TMEM161B: variants seen among roughly 807,000 people sequenced by gnomAD.
TMEM161B encodes the protein transmembrane protein 161B.
In TMEM161B, 34 loss-of-function variants were observed where a neutral mutation model predicts 61.8. The ratio of observed to expected loss-of-function variants is 0.55; its 90% CI spans 0.42 to 0.73. The LOEUF is 0.73. Among genes scored for constraint, TMEM161B ranks in the 30% least tolerant of loss-of-function variants. The probability of loss-of-function intolerance (pLI) is 0.00; values close to 1 mark genes in which losing one functional copy is unlikely to be tolerated. For synonymous variants in TMEM161B, 167 were observed against 192.8 expected, an observed-to-expected ratio of 0.87 and a Z score of 1.11; for missense variants, 456 against 558.5, an observed-to-expected ratio of 0.82 and a Z score of 1.85.
chr5:88,233,817 C>T (rs951582651), intron 2 of TMEM161B, among the ~76,000 whole-genome samples: 1 of 151,914 alleles, frequency 6.6e-6, no homozygotes, highest in African/African-American at 2.4e-5. Flanking sequence ...CATGAGACAT[C>T]AAGTAAAAGT....
chr5:88,207,234 C>T (rs766174489), intron 5 of TMEM161B, 54 bp from the exon 6 acceptor site: 253 of 1,517,738 alleles, frequency 1.7e-4, no homozygotes, highest in Non-Finnish European at 2.2e-4. Flanking sequence ...GAGCTATACA[C>T]AATGATCTTT....
Position 88,268,810 on chromosome 5 carries a change from A to C in TMEM161B, c.-87T>G. ...TACCTCCCGGTCCTTGAGCCGAGAGACTCTCAAACAGCGAAAGAGAGGGTC... is the reference window on the plus strand; with the variant it reads ...TACCTCCCGGTCCTTGAGCCGAGAGCCTCTCAAACAGCGAAAGAGAGGGTC... On this transcript the variant is annotated 5_prime_UTR_variant, in exon 1 of 12. Transcript: ENST00000296595. The C allele has an allele frequency of 6.2e-7, 1 of 1,600,726 alleles. No homozygotes were observed.
intron 1 of TMEM161B, among the ~76,000 whole-genome samples, chr5:88,260,720 A>G (rs969248974): frequency 3.3e-5 from 5 of 152,206 alleles, no homozygotes; most frequent in Admixed American, 6.5e-5. Flanking sequence ...TCCATGAGCC[A>G]CCATGCCAGG....
At chr5:88,197,870 C>A in intron 10 of TMEM161B, 105 bp from the exon 11 acceptor site, 1 of 900,520 alleles carries the variant, frequency 1.1e-6, no homozygotes, top group Non-Finnish European at 1.6e-6. Flanking sequence ...ATAATCCTTT[C>A]ACAAGAAGGA....
At chr5:88,211,586 C>T (rs1399163207) in intron 5 of TMEM161B, among the ~76,000 whole-genome samples, 1 of 151,856 alleles carries the variant, frequency 6.6e-6, no homozygotes, top group African/African-American at 2.4e-5. Flanking sequence ...ATGGCGAAAT[C>T]CCATCTACTG....
At position 88,203,055 on chromosome 5, in the gene TMEM161B, A is replaced by C; in HGVS notation, c.821T>G (p.Phe274Cys). The C allele has an allele frequency of 6.2e-7, 1 of 1,604,288 alleles. No individual in the cohort carries two copies. The highest frequency in any genetic ancestry group is 8.5e-7 in the Non-Finnish European group (1 of 1,171,592). Residue 274 changes from phenylalanine to cysteine, a missense_variant, in exon 9 of 12, where the codon TTC becomes TGC. Phe to Cys is a radical substitution (Grantham distance 205). Coordinates refer to ENST00000296595, the MANE Select transcript of TMEM161B (RefSeq NM_153354.5). ...CAGAACCATAAATAAAGGTGCCAAG[A>C]AGTTGATATGAAGTAAAGTTCTGAA... Reference protein sequence around the residue: ...KITQTLLHINFLAPLFMVLLW... With the variant: ...KITQTLLHINCLAPLFMVLLW...
At chr5:88,223,609 C>G (rs1749418597) in intron 4 of TMEM161B, among the ~76,000 whole-genome samples, 1 of 151,962 alleles carries the variant, frequency 6.6e-6, no homozygotes. Flanking sequence ...CTAAATGGGC[C>G]AGGTGCAGTG....
Position 88,195,639 on chromosome 5 carries a change from C to T in TMEM161B, c.*572G>A, listed in dbSNP as rs1749506115. ...AGCAGCAGTAGTTATATATTTTAAC[C>T]ATATTCATCTCCATTAAATTTAAAA... On this transcript the variant is annotated 3_prime_UTR_variant, in exon 12 of 12. Coordinates refer to ENST00000296595, the MANE Select transcript of TMEM161B (RefSeq NM_153354.5). The T allele has an allele frequency of 9.1e-6, 9 of 984,330 alleles. No individual in the cohort carries two copies. The highest frequency in any genetic ancestry group is 1.1e-5 in the Non-Finnish European group (9 of 828,888). The allele number at this position is 984,330 out of a possible 1,614,324, so 61.0% of individuals were successfully genotyped here.
chr5:88,242,510 A>G (rs1752912316), intron 1 of TMEM161B, among the ~76,000 whole-genome samples: 1 of 151,860 alleles, frequency 6.6e-6, no homozygotes, highest in African/African-American at 2.4e-5. Flanking sequence ...AAGAAAAAAC[A>G]GTATGCCTAT....
chr5:88,235,976 C>T (rs1181771582), intron 2 of TMEM161B, among the ~76,000 whole-genome samples: 2 of 152,084 alleles, frequency 1.3e-5, no homozygotes, highest in African/African-American at 2.4e-5. Flanking sequence ...TCAGGCATTC[C>T]GTTAAGGGTA....
chr5:88,253,154 A>C (rs1179346831), intron 1 of TMEM161B, among the ~76,000 whole-genome samples: 1 of 152,102 alleles, frequency 6.6e-6, no homozygotes, highest in Non-Finnish European at 1.5e-5. Flanking sequence ...TTTAGATAAA[A>C]CCTATCTAAA....
chr5:88,213,142 A>G (rs1747157036), intron 5 of TMEM161B, among the ~76,000 whole-genome samples: 2 of 152,174 alleles, frequency 1.3e-5, no homozygotes, highest in Admixed American at 1.3e-4. Flanking sequence ...GGCAACTAAA[A>G]TACTCAAAAT....
At position 88,205,631 on chromosome 5, in the gene TMEM161B, CAA is replaced by C. The variant is rs972244918; in HGVS notation, c.800+181_800+182del. 5.9e-4 allele frequency: 339 copies of C among 578,482 alleles called. 1 individual carries two copies. The highest frequency in any genetic ancestry group is 2.0e-4 in the Admixed American group (5 of 24,808). The allele number at this position is 578,482 out of a possible 1,614,324, so 35.8% of individuals were successfully genotyped here. A position where few individuals can be genotyped will look rare whatever the true frequency, so the allele number is the denominator to read the frequency against. ...AATCGATGATGTATCTTTTTAAATA[CAA>C]GACTTAAAATTTAGAAGCAAATAAA... On this transcript the variant is annotated intron_variant, in intron 8 of 11. Transcript: ENST00000296595.
chr5:88,232,017 G>T (rs1407258603), intron 2 of TMEM161B, among the ~76,000 whole-genome samples: 1 of 151,898 alleles, frequency 6.6e-6, no homozygotes, highest in Non-Finnish European at 1.5e-5. Context: ...AGTTCTGTGT[G>T]TCATTCCAGC....
intron 5 of TMEM161B, among the ~76,000 whole-genome samples, chr5:88,215,497 C>A (rs116121612): frequency 2.7e-5 from 4 of 150,340 alleles, no homozygotes; most frequent in Non-Finnish European, 4.4e-5. Flanking sequence ...CAGGTTTGAA[C>A]AAAAAAAAAA....
rs191362564 is a variant in TMEM161B at position 88,195,201 on chromosome 5, T to A, written c.*1010A>T. ...TAGGCAACACAAATAAATTGCTTAC[T>A]CTGCTGAACTTTCAAAATGTATTTT... On this transcript the variant is annotated 3_prime_UTR_variant, in exon 12 of 12. Transcript: ENST00000296595. The A allele has an allele frequency of 2.0e-6, 2 of 983,748 alleles. No homozygotes were observed. Among genetic ancestry groups the A allele is most frequent in the East Asian group, 1.1e-4 (1 of 8,804 alleles). The allele number at this position is 983,748 out of a possible 1,614,324, so 60.9% of individuals were successfully genotyped here.
At chr5:88,255,160 T>C (rs1754806124) in intron 1 of TMEM161B, among the ~76,000 whole-genome samples, 1 of 152,180 alleles carries the variant, frequency 6.6e-6, no homozygotes, top group Non-Finnish European at 1.5e-5. Flanking sequence ...CAAACTGGGT[T>C]TTTGAAGATG....
At chr5:88,205,612 T>G in intron 8 of TMEM161B, 1 of 484,052 alleles carries the variant, frequency 2.1e-6, no homozygotes, top group South Asian at 3.3e-5. Context: ...TAGTAATCGA[T>G]GATGTATCTT....
chr5:88,196,215 G>A lies in TMEM161B; in HGVS notation c.1460C>T (p.Ala487Val), dbSNP rs1749600601. 1 of 1,602,868 alleles carries A rather than the reference G, an allele frequency of 6.2e-7. No individual in the cohort carries two copies. Among genetic ancestry groups the A allele is most frequent in the Non-Finnish European group, 8.5e-7 (1 of 1,175,668 alleles). ...TGCTTTTTTGTTAACTGAGATTCAT[G>A]CCACAGTCAGATACTGGTGATAGAA... ...GLFYHQYLTV[A>V] Residue 487 changes from alanine to valine, a missense_variant, in exon 12 of 12, where the codon GCA becomes GTA. This residue lies in a region of TMEM161B where 367 missense variants were observed against 427.3 expected (regional missense o/e 0.86). Coordinates refer to ENST00000296595, the MANE Select transcript of TMEM161B (RefSeq NM_153354.5).
Sources: gnomAD v4.1 joint callset for allele counts (sites outside exome capture counted in the v4.1 genomes callset) on GRCh38, gnomAD v4.1.1 for gene constraint, gnomAD v4.1.1 regional missense constraint, MANE v1.5 for transcripts, NCBI Gene and HGNC (gene_info 2026-07-23, HGNC 2026-07-21) for gene names.